Variants in NAV2 observed in about 807,000 individuals in gnomAD.
NAV2 encodes the protein helicase, APC down-regulated 1.
Under a neutral mutation model 223.2 loss-of-function variants are expected in NAV2, and 54 were observed. The ratio of observed to expected loss-of-function variants is 0.24; its 90% confidence interval spans 0.19 to 0.30. The LOEUF is 0.30. Among genes scored for constraint, NAV2 ranks in the 10% least tolerant of loss-of-function variants. The pLI is 1.00. For synonymous variants in NAV2, 1,279 were observed against 1,239.3 expected, an observed-to-expected ratio of 1.03 and a Z score of -0.67; for missense variants, 2,806 against 3,147.5, an observed-to-expected ratio of 0.89 and a Z score of 2.60.
intron 1 of NAV2, among the ~76,000 whole-genome samples, chr11:19,493,629 A>G (rs1327802370): frequency 1.3e-5 from 2 of 152,176 alleles, no homozygotes; most frequent in African/African-American, 4.8e-5. Context: ...CAGCTGGCTG[A>G]CGAAGTCCCC....
intron 10 of NAV2, among the ~76,000 whole-genome samples, chr11:19,967,444 CAA>C (rs2048865627): frequency 6.6e-6 from 1 of 151,888 alleles, no homozygotes; most frequent in Non-Finnish European, 1.5e-5. Flanking sequence ...ATTCAAAACC[CAA>C]AACATAATAG....
intron 1 of NAV2, among the ~76,000 whole-genome samples, chr11:19,434,685 C>T (rs1851151991): frequency 6.6e-6 from 1 of 152,076 alleles, no homozygotes; most frequent in Admixed American, 6.5e-5. Context: ...AATCAAATTA[C>T]TCTGAACTGG....
chr11:19,529,065 C>T (rs1014273091), intron 1 of NAV2, among the ~76,000 whole-genome samples: 3 of 151,262 alleles, frequency 2.0e-5, no homozygotes, highest in African/African-American at 7.3e-5. Flanking sequence ...CGTGCGTGCA[C>T]ACACACACAC....
chr11:19,499,632 G>A (rs2042902655), intron 1 of NAV2, among the ~76,000 whole-genome samples: 1 of 152,128 alleles, frequency 6.6e-6, no homozygotes, highest in Admixed American at 6.5e-5. Flanking sequence ...GCTCAGCCTT[G>A]GTTTCCCTGT....
intron 11 of NAV2, among the ~76,000 whole-genome samples, chr11:20,031,477 G>A (rs971098420): frequency 5.9e-5 from 9 of 152,138 alleles, no homozygotes; most frequent in African/African-American, 1.4e-4. Flanking sequence ...AACAAGTTAC[G>A]TTTCCCCATT....
At chr11:19,727,059 T>C (rs531832649) in intron 1 of NAV2, among the ~76,000 whole-genome samples, 28 of 152,324 alleles carry the variant, frequency 1.8e-4, no homozygotes, top group Middle Eastern at 3.4e-3. Flanking sequence ...GTTTCTTACA[T>C]CTCTCATGTT....
chr11:19,806,483 C>T (rs2058566925), intron 1 of NAV2, among the ~76,000 whole-genome samples: 1 of 152,200 alleles, frequency 6.6e-6, no homozygotes, highest in South Asian at 2.1e-4. Flanking sequence ...CTCTTGATCT[C>T]TCATATCAGT....
intron 1 of NAV2, among the ~76,000 whole-genome samples, chr11:19,569,489 G>A (rs2134876223): frequency 6.6e-6 from 1 of 152,270 alleles, no homozygotes; most frequent in East Asian, 1.9e-4. Flanking sequence ...GTGAATAAAT[G>A]AATATTCCCA....
At chr11:19,551,897 TTCTC>T (rs59538869) in intron 1 of NAV2, among the ~76,000 whole-genome samples, 1,700 of 149,136 alleles carry the variant, frequency 0.011, 20 homozygotes, top group African/African-American at 0.022. Flanking sequence ...TCCTCTCCTC[TTCTC>T]TCTCTCTCTC....
chr11:19,720,814 C>T (rs2050692633), intron 1 of NAV2, among the ~76,000 whole-genome samples: 1 of 152,196 alleles, frequency 6.6e-6, no homozygotes. Flanking sequence ...TAGGACTTAG[C>T]AACTTTGGTT....
At position 19,966,693 on chromosome 11, in the gene NAV2, A is replaced by G. The variant is rs72916855; in HGVS notation, c.2646-17432A>G. 9.7e-3 allele frequency among the ~76,000 whole-genome samples: 1,477 copies of G among 152,312 alleles called. 9 individuals carry two copies. The highest frequency in any genetic ancestry group is 0.016 in the Non-Finnish European group (1,073 of 68,022). On this transcript the variant is annotated intron_variant, in intron 10 of 37. Coordinates refer to ENST00000349880, the MANE Select transcript of NAV2 (RefSeq NM_145117.5). ...CCACAATCCTTCAAGAGTCTACTGC[A>G]GCTAGGAAGCCTCCGCTGATGCACA...
intron 1 of NAV2, among the ~76,000 whole-genome samples, chr11:19,686,812 A>C (rs2049036534): frequency 6.6e-6 from 1 of 152,160 alleles, no homozygotes; most frequent in African/African-American, 2.4e-5. Context: ...CACATAAAGT[A>C]TGGGGGTTGG....
chr11:20,115,501 A>G (rs7124303), intron 37 of NAV2, among the ~76,000 whole-genome samples: 18,612 of 151,672 alleles, frequency 0.12, 1,985 homozygotes, highest in African/African-American at 0.29. Flanking sequence ...GCGTGGTGGC[A>G]GGCACCTGTA....
intron 1 of NAV2, among the ~76,000 whole-genome samples, chr11:19,650,511 T>C (rs185779086): frequency 5.4e-4 from 82 of 152,318 alleles, no homozygotes; most frequent in African/African-American, 1.9e-3. Flanking sequence ...TACTTTGTTA[T>C]GGCAGCCCAA....
chr11:19,460,787 TA>T (rs923858568), intron 1 of NAV2, among the ~76,000 whole-genome samples: 3 of 151,628 alleles, frequency 2.0e-5, no homozygotes, highest in African/African-American at 4.8e-5. Context: ...TAAAGTATAA[TA>T]AAAAAAAATT....
intron 6 of NAV2, among the ~76,000 whole-genome samples, chr11:19,900,380 C>T (rs1187382845): frequency 6.6e-6 from 1 of 152,144 alleles, no homozygotes; most frequent in East Asian, 1.9e-4. Context: ...GAAGGCAGAC[C>T]ACTGTGTTTG....
chr11:19,608,418 T>C (rs554639062), intron 1 of NAV2, among the ~76,000 whole-genome samples: 1 of 152,372 alleles, frequency 6.6e-6, no homozygotes, highest in African/African-American at 2.4e-5. Context: ...TGCTTATTAG[T>C]GCATGAACAC....
intron 17 of NAV2, among the ~76,000 whole-genome samples, chr11:20,052,293 T>C (rs1005843572): frequency 2.0e-5 from 3 of 152,236 alleles, no homozygotes; most frequent in African/African-American, 7.2e-5. Flanking sequence ...TATCAATGCT[T>C]CCTTTCAATG....
intron 1 of NAV2, among the ~76,000 whole-genome samples, chr11:19,657,130 G>T (rs913863848): frequency 1.3e-5 from 2 of 152,126 alleles, no homozygotes; most frequent in African/African-American, 4.8e-5. Flanking sequence ...GAGGCTGGGG[G>T]TGTATTAAAA....
Sources: allele counts gnomAD v4.1 joint callset (sites outside exome capture counted in the v4.1 genomes callset), GRCh38; gene constraint gnomAD v4.1.1; transcripts MANE v1.5; gene names NCBI Gene and HGNC (gene_info 2026-07-23, HGNC 2026-07-21).